The following DGKB variants were observed in gnomAD, a reference collection of about 807,000 sequenced individuals.
The protein encoded by DGKB is diacylglycerol kinase beta.
DGKB carries 67 observed loss-of-function variants against 114.3 expected under a neutral mutation model. That is an observed-to-expected ratio of 0.59 (90% CI 0.48 to 0.72). The LOEUF is 0.72. Among genes scored for constraint, DGKB ranks in the 30% least tolerant of loss-of-function variants. DGKB has a pLI of 0.00. For synonymous variants in DGKB, 398 were observed against 323.1 expected (o/e 1.23, Z -2.49); for missense variants, 907 against 975.2 (o/e 0.93, Z 0.93).
At chr7:14,639,807 C>T (rs979912787) in intron 13 of DGKB, among the ~76,000 whole-genome samples, 10 of 152,122 alleles carry the variant, frequency 6.6e-5, no homozygotes, top group African/African-American at 1.9e-4. Context: ...ATAAATCACA[C>T]AAAGCCAAAT....
At chr7:14,866,131 T>C (rs138015545) in intron 1 of DGKB, among the ~76,000 whole-genome samples, 11 of 152,262 alleles carry the variant, frequency 7.2e-5, no homozygotes, top group African/African-American at 2.6e-4. Flanking sequence ...TTTAGATTCA[T>C]AGCAAAACTA....
intron 1 of DGKB, among the ~76,000 whole-genome samples, chr7:14,969,393 A>G (rs2115301338): frequency 6.6e-6 from 1 of 152,240 alleles, no homozygotes; most frequent in Non-Finnish European, 1.5e-5. Context: ...CTTTGTGTAA[A>G]TGTCGTAACT....
At chr7:14,323,744 C>A (rs1808235049) in intron 23 of DGKB, among the ~76,000 whole-genome samples, 1 of 152,148 alleles carries the variant, frequency 6.6e-6, no homozygotes. Context: ...GAAGAGTTGT[C>A]ATAAATTAGA....
At chr7:14,771,849 C>T (rs1246250514) in intron 2 of DGKB, among the ~76,000 whole-genome samples, 2 of 152,074 alleles carry the variant, frequency 1.3e-5, no homozygotes, top group African/African-American at 2.4e-5. Context: ...CGCCAGGCAC[C>T]CTTTTAGGTC....
At chr7:14,936,948 T>C (rs935026647) in intron 1 of DGKB, among the ~76,000 whole-genome samples, 4 of 151,680 alleles carry the variant, frequency 2.6e-5, no homozygotes, top group Admixed American at 6.6e-5. Flanking sequence ...ATGGTGTAAA[T>C]GATTAAATAT....
intron 13 of DGKB, among the ~76,000 whole-genome samples, chr7:14,656,507 C>G (rs1424268634): frequency 1.3e-5 from 2 of 151,372 alleles, no homozygotes; most frequent in Admixed American, 6.6e-5. Context: ...AAGAGTCAAT[C>G]CATAGGACAC....
intron 23 of DGKB, among the ~76,000 whole-genome samples, chr7:14,297,045 G>A (rs1235963334): frequency 6.6e-6 from 1 of 152,094 alleles, no homozygotes; most frequent in Non-Finnish European, 1.5e-5. Flanking sequence ...AACAAGTTCT[G>A]AAATTGAGAC....
intron 21 of DGKB, among the ~76,000 whole-genome samples, chr7:14,379,010 T>C (rs552200059): frequency 2.6e-5 from 4 of 151,110 alleles, no homozygotes; most frequent in African/African-American, 4.8e-5. Context: ...CATAATGAGA[T>C]TGGGGAAAAT....
intron 20 of DGKB, among the ~76,000 whole-genome samples, chr7:14,541,172 C>A (rs1194582585): frequency 6.6e-6 from 1 of 151,622 alleles, no homozygotes; most frequent in Non-Finnish European, 1.5e-5. Context: ...CTGTGGGATT[C>A]CTTCACTAGT....
rs7782882 is a variant in DGKB, at chr7:14,923,395, T to C, written c.-188+51301A>G. 9.8e-3 allele frequency among the ~76,000 whole-genome samples: 1,485 copies of C among 152,296 alleles called. 22 individuals are homozygous for C. Among genetic ancestry groups the C allele is most frequent in the African/African-American group, 0.033 (1,379 of 41,560 alleles). Reference sequence around the variant, plus strand: ...TTTATTTTTATGAGATTGTCTTTTGTTGATTCCACATATAAATGAGATTAT... The same window carrying C: ...TTTATTTTTATGAGATTGTCTTTTGCTGATTCCACATATAAATGAGATTAT... On this transcript the variant is annotated intron_variant, in intron 1 of 4. Transcript: ENST00000437998.
At chr7:14,755,325 A>G (rs1436451877) in intron 3 of DGKB, among the ~76,000 whole-genome samples, 2 of 152,166 alleles carry the variant, frequency 1.3e-5, no homozygotes, top group African/African-American at 2.4e-5. Flanking sequence ...AACTTCAGTA[A>G]TTCAAGTGAA....
intron 6 of DGKB, among the ~76,000 whole-genome samples, chr7:14,712,241 G>GA (rs1360183156): frequency 1.3e-5 from 2 of 151,908 alleles, no homozygotes; most frequent in Non-Finnish European, 2.9e-5. Flanking sequence ...GAAAAAGCAA[G>GA]AAAAAATAGT....
chr7:14,433,375 T>C (rs1191608814), intron 21 of DGKB, among the ~76,000 whole-genome samples: 1 of 152,156 alleles, frequency 6.6e-6, no homozygotes, highest in Non-Finnish European at 1.5e-5. Context: ...TTTTATCTAA[T>C]AAACTTGACC....
chr7:14,888,360 T>C (rs1780644399), intron 1 of DGKB, among the ~76,000 whole-genome samples: 1 of 151,614 alleles, frequency 6.6e-6, no homozygotes, highest in Admixed American at 6.6e-5. Flanking sequence ...AACATAGCCA[T>C]ACCCCTCTCA....
chr7:14,477,954 T>C (rs181013928), intron 21 of DGKB, among the ~76,000 whole-genome samples: 5 of 152,138 alleles, frequency 3.3e-5, no homozygotes, highest in Non-Finnish European at 5.9e-5. Flanking sequence ...AGATGACCCA[T>C]TGCATTCCTC....
intron 23 of DGKB, among the ~76,000 whole-genome samples, chr7:14,303,564 G>C (rs1803929993): frequency 6.6e-6 from 1 of 150,804 alleles, no homozygotes; most frequent in South Asian, 2.1e-4. Flanking sequence ...TTACTCTTTG[G>C]TGTTTCTTTG....
At chr7:14,672,095 T>A (rs963440142) in intron 13 of DGKB, among the ~76,000 whole-genome samples, 1 of 151,936 alleles carries the variant, frequency 6.6e-6, no homozygotes, top group African/African-American at 2.4e-5. Flanking sequence ...ATAATTAGAA[T>A]CATAAGTGGT....
chr7:14,329,900 A>G (rs896149192), intron 23 of DGKB, among the ~76,000 whole-genome samples: 2 of 152,006 alleles, frequency 1.3e-5, no homozygotes, highest in African/African-American at 2.4e-5. Flanking sequence ...GGTACGTTAA[A>G]TTGACTTAAA....
At chr7:14,796,119 C>A (rs1309859979) in intron 2 of DGKB, among the ~76,000 whole-genome samples, 1 of 152,128 alleles carries the variant, frequency 6.6e-6, no homozygotes, top group Admixed American at 6.6e-5. Context: ...ATCACTGATG[C>A]TTTACAAAAA....
Sources: allele counts gnomAD v4.1 joint callset (sites outside exome capture counted in the v4.1 genomes callset), GRCh38; gene constraint gnomAD v4.1.1; transcripts MANE v1.5; gene names NCBI Gene and HGNC (gene_info 2026-07-23, HGNC 2026-07-21).